The following DYRK1A variants were observed in gnomAD, a reference collection of about 807,000 sequenced individuals.
DYRK1A encodes the protein dual specificity tyrosine phosphorylation regulated kinase 1A.
In DYRK1A, 9 loss-of-function variants were observed where a neutral mutation model predicts 79.7. The observed-to-expected ratio is 0.11, with a 90% CI of 0.07 to 0.20. DYRK1A has a LOEUF of 0.20. Ranked by LOEUF, DYRK1A falls within the 10% of genes least tolerant of loss-of-function variation. DYRK1A has a pLI of 1.00. For synonymous variants in DYRK1A, 349 were observed against 329.7 expected (o/e 1.06, Z -0.63); for missense variants, 622 against 956.0 (o/e 0.65, Z 4.61).
At chr21:37,380,737 AC>A (rs2049640239) in intron 1 of DYRK1A, among the ~76,000 whole-genome samples, 1 of 151,938 alleles carries the variant, frequency 6.6e-6, no homozygotes, top group Non-Finnish European at 1.5e-5. Flanking sequence ...AAAAAAAAAA[AC>A]CTACACAATT....
At chr21:37,442,820 A>G (rs1391881778) in intron 2 of DYRK1A, among the ~76,000 whole-genome samples, 1 of 152,142 alleles carries the variant, frequency 6.6e-6, no homozygotes, top group Non-Finnish European at 1.5e-5. Flanking sequence ...TACATGGAGT[A>G]CAGTTATAGT....
At chr21:37,409,569 C>T (rs987141713) in intron 1 of DYRK1A, among the ~76,000 whole-genome samples, 14 of 151,990 alleles carry the variant, frequency 9.2e-5, no homozygotes, top group African/African-American at 3.1e-4. Context: ...CCCCTAGTTA[C>T]AGTTCATGAA....
upstream of DYRK1A, among the ~76,000 whole-genome samples, chr21:37,366,683 G>A (rs991352101): frequency 3.2e-4 from 49 of 151,936 alleles, no homozygotes; most frequent in African/African-American, 1.2e-3. Flanking sequence ...TGAGCAACAG[G>A]CCCCGCCCGC....
intron 2 of DYRK1A, among the ~76,000 whole-genome samples, chr21:37,454,582 C>T (rs1208878191): frequency 6.6e-6 from 1 of 151,956 alleles, no homozygotes. Flanking sequence ...CTAAATCTTT[C>T]AAAAAATCAT....
intron 1 of DYRK1A, among the ~76,000 whole-genome samples, chr21:37,392,209 A>T (rs2049883550): frequency 6.6e-6 from 1 of 152,190 alleles, no homozygotes; most frequent in African/African-American, 2.4e-5. Flanking sequence ...GCTCAATCCA[A>T]GTGAGGTTGA....
intron 1 of DYRK1A, chr21:37,367,961 C>A: frequency 6.2e-6 from 1 of 162,396 alleles, no homozygotes; most frequent in South Asian, 1.7e-4. Context: ...CCTCCTCCTC[C>A]TCTTCCTCCT....
Position 37,391,874 on chromosome 21 carries a change from G to C in DYRK1A, c.-77+24246G>C, listed in dbSNP as rs144316301. ...CTGATAACGTTTTCTATATGGCACA[G>C]AGCCTCTGCCAGGGCATGTAGTAGG... On this transcript the variant is annotated intron_variant, in intron 1 of 11. Coordinates refer to ENST00000647188, the MANE Select transcript of DYRK1A (RefSeq NM_001347721.2). Among the ~76,000 whole-genome samples, 161 of 152,350 alleles carry C rather than the reference G, an allele frequency of 1.1e-3. 2 individuals carry two copies. The highest frequency in any genetic ancestry group is 3.4e-3 in the Middle Eastern group (1 of 294).
chr21:37,372,108 T>C (rs1404574971), intron 1 of DYRK1A, among the ~76,000 whole-genome samples: 2 of 151,920 alleles, frequency 1.3e-5, no homozygotes, highest in East Asian at 3.9e-4. Flanking sequence ...TATGGACATG[T>C]ATGGTTAAGG....
In DYRK1A at chr21:37,514,038, A is replaced by T. The variant is rs1370400964; in HGVS notation, c.*1507A>T. 1 of 152,638 alleles carries T rather than the reference A, an allele frequency of 6.6e-6. No individual in the cohort carries two copies. Among genetic ancestry groups the T allele is most frequent in the Middle Eastern group, 3.2e-3 (1 of 316 alleles). 9.5% of individuals were successfully genotyped at this position (152,638 alleles called of 1,614,324 possible). ...GTAGATTGACATCTAATTCAAGATT[A>T]CAACATCTGTTACATTCTAAGTGTG... On this transcript the variant is annotated 3_prime_UTR_variant, in exon 12 of 12. Transcript: ENST00000647188.
rs1363925562 is a variant in DYRK1A, at chr21:37,516,850, A to G, written c.*4319A>G. The G allele has an allele frequency of 1.3e-5, 2 of 152,156 alleles. No homozygotes were observed. The highest frequency in any genetic ancestry group is 2.4e-5 in the African/African-American group (1 of 41,434). 9.4% of individuals were successfully genotyped at this position (152,156 alleles called of 1,614,324 possible). ...ATTTATTTCTAATTTCCTACTTTAA[A>G]TCTTAGGAGACAAAGTGTTTCTCCA... On this transcript the variant is annotated 3_prime_UTR_variant, in exon 12 of 12. Transcript: ENST00000647188.
chr21:37,501,650 C>T (rs765830792), intron 9 of DYRK1A: 8 of 152,146 alleles, frequency 5.3e-5, no homozygotes, highest in Non-Finnish European at 1.2e-4. Context: ...AAAATCGAGA[C>T]TTGTTTTATG....
intron 1 of DYRK1A, among the ~76,000 whole-genome samples, chr21:37,396,111 C>G (rs1239733813): frequency 1.3e-5 from 2 of 152,190 alleles, no homozygotes; most frequent in East Asian, 3.9e-4. Context: ...ACCACAGGTC[C>G]CTGTGCCCTT....
intron 3 of DYRK1A, among the ~76,000 whole-genome samples, chr21:37,476,420 C>T (rs545901170): frequency 6.6e-6 from 1 of 152,318 alleles, no homozygotes; most frequent in Non-Finnish European, 1.5e-5. Flanking sequence ...ACTTATACTT[C>T]CTGTCAACTT....
chr21:37,381,750 T>C (rs886847429), intron 1 of DYRK1A, among the ~76,000 whole-genome samples: 1 of 152,202 alleles, frequency 6.6e-6, no homozygotes, highest in African/African-American at 2.4e-5. Flanking sequence ...TTTGTGCCAG[T>C]GTACTCCAGC....
Position 37,522,866 on chromosome 21 carries a change from C to G in DYRK1A, c.*10335C>G, listed in dbSNP as rs2053943922. 1 of 152,372 alleles carries G rather than the reference C, an allele frequency of 6.6e-6. No individual in the cohort carries two copies. Among genetic ancestry groups the G allele is most frequent in the Non-Finnish European group, 1.5e-5 (1 of 68,172 alleles). The allele number at this position is 152,372 out of a possible 1,614,324, so 9.4% of individuals were successfully genotyped here. A position where few individuals can be genotyped will look rare whatever the true frequency, so the allele number is the denominator to read the frequency against. The stretch of plus-strand genomic sequence containing the variant: ...TTCTTGTTTCCAGGATCCACAGTTC[C>G]TGCTCTGCTTCCGCTTTCCCCACTG... On this transcript the variant is annotated 3_prime_UTR_variant, in exon 12 of 12. Transcript: ENST00000647188.
chr21:37,481,218 G>A (rs2052629372), intron 5 of DYRK1A: 1 of 154,204 alleles, frequency 6.5e-6, no homozygotes, highest in Admixed American at 6.5e-5. Context: ...TTCAGGTGGT[G>A]CAGTGGGAGT....
intron 2 of DYRK1A, among the ~76,000 whole-genome samples, chr21:37,435,327 C>T (rs2050892546): frequency 6.6e-6 from 1 of 152,182 alleles, no homozygotes; most frequent in African/African-American, 2.4e-5. Flanking sequence ...TGCTAATTAG[C>T]CGCTGTTGCT....
chr21:37,509,330 A>G (rs921940181), intron 11 of DYRK1A, among the ~76,000 whole-genome samples: 5 of 152,228 alleles, frequency 3.3e-5, no homozygotes, highest in Non-Finnish European at 7.3e-5. Context: ...ATTTTGGAGC[A>G]CTTTCTGTAT....
chr21:37,500,210 A>G (rs1466145131), intron 9 of DYRK1A, among the ~76,000 whole-genome samples: 3 of 152,100 alleles, frequency 2.0e-5, no homozygotes, highest in Admixed American at 2.0e-4. Context: ...TGGGTTTTGA[A>G]TATTGTCATG....
Sources: gnomAD v4.1 joint callset for allele counts (sites outside exome capture counted in the v4.1 genomes callset) on GRCh38, gnomAD v4.1.1 for gene constraint, MANE v1.5 for transcripts, NCBI Gene and HGNC (gene_info 2026-07-23, HGNC 2026-07-21) for gene names.